Variants in PLS1 observed in about 807,000 individuals in gnomAD.
PLS1 encodes plastin-1.
Under a neutral mutation model 73.7 loss-of-function variants are expected in PLS1, and 32 were observed. That is an observed-to-expected ratio of 0.43 (90% confidence interval 0.33 to 0.58). The LOEUF (loss-of-function observed/expected upper bound fraction) is 0.58, where lower values mean the gene tolerates loss of function less well. Ranked by LOEUF, PLS1 falls within the 20% of genes least tolerant of loss-of-function variation. The pLI, the probability that PLS1 is intolerant of heterozygous loss-of-function variation, is 0.04. For missense variants in PLS1, 633 were observed against 740.5 expected (o/e 0.85, Z 1.68); for synonymous variants, 217 against 261.3 (o/e 0.83, Z 1.63).
chr3:142,642,655 A>G (rs1339002693), intron 1 of PLS1, among the ~76,000 whole-genome samples: 1 of 152,102 alleles, frequency 6.6e-6, no homozygotes. Context: ...AGTATGGTTA[A>G]TTTTCTGAGC....
chr3:142,671,666 A>T (rs1465477100), intron 4 of PLS1, among the ~76,000 whole-genome samples: 1 of 152,216 alleles, frequency 6.6e-6, no homozygotes, highest in South Asian at 2.1e-4. Context: ...TGGGAAATGC[A>T]GAAGCATATC....
intron 1 of PLS1, among the ~76,000 whole-genome samples, chr3:142,647,925 G>T (rs926019257): frequency 6.6e-6 from 1 of 152,176 alleles, no homozygotes; most frequent in African/African-American, 2.4e-5. Context: ...GTTGAAAAGG[G>T]ATCCTGAACC....
chr3:142,598,866 T>A (rs2035859838), intron 1 of PLS1, among the ~76,000 whole-genome samples: 1 of 151,564 alleles, frequency 6.6e-6, no homozygotes, highest in African/African-American at 2.4e-5. Flanking sequence ...GGGGGCATGG[T>A]GGTGGGCGCC....
At chr3:142,670,517 C>T (rs192233390) in intron 3 of PLS1, among the ~76,000 whole-genome samples, 2 of 152,310 alleles carry the variant, frequency 1.3e-5, no homozygotes, top group East Asian at 1.9e-4. Context: ...GCAAGCAGAA[C>T]TGATTGAATT....
intron 1 of PLS1, among the ~76,000 whole-genome samples, chr3:142,609,415 G>A (rs1319448171): frequency 6.8e-6 from 1 of 146,712 alleles, no homozygotes; most frequent in East Asian, 1.9e-4. Context: ...ACCAGAGGAA[G>A]GGGAACTGGA....
chr3:142,612,162 G>A lies in PLS1; in HGVS notation c.-37+15653G>A, dbSNP rs569321293. The stretch of plus-strand genomic sequence containing the variant: ...ATTGAAAGAGGAATTTAGCAAATAA[G>A]TGCTTTAATAGTTCTCACTGGTTTA... On this transcript the variant is annotated intron_variant, in intron 1 of 15. Transcript: ENST00000457734. Among the ~76,000 whole-genome samples, 4 of 152,312 alleles carry A rather than the reference G, an allele frequency of 2.6e-5. No individual in the cohort carries two copies. In the South Asian group the frequency reaches 8.3e-4, roughly 32 times the overall value.
intron 1 of PLS1, among the ~76,000 whole-genome samples, chr3:142,603,607 C>T (rs2035964012): frequency 6.6e-6 from 1 of 151,902 alleles, no homozygotes; most frequent in African/African-American, 2.4e-5. Flanking sequence ...GGCAAAACAT[C>T]GTCTCTACAA....
intron 9 of PLS1, among the ~76,000 whole-genome samples, chr3:142,687,327 C>T (rs748672689): frequency 1.3e-5 from 2 of 151,924 alleles, no homozygotes; most frequent in South Asian, 2.1e-4. Flanking sequence ...ACCCACCGGC[C>T]GTGGGTTGGA....
intron 14 of PLS1, among the ~76,000 whole-genome samples, chr3:142,711,196 C>T (rs936069101): frequency 1.3e-5 from 2 of 152,054 alleles, no homozygotes; most frequent in Admixed American, 6.6e-5. Context: ...ATTAAAAATT[C>T]ATCTATTCCC....
rs1408034343 is a variant in PLS1, at chr3:142,712,640, C to T, written c.*633C>T. 1.3e-5 allele frequency: 2 copies of T among 152,326 alleles called. No homozygotes were observed. Among genetic ancestry groups the T allele is most frequent in the Non-Finnish European group, 2.9e-5 (2 of 67,988 alleles). 9.4% of individuals were successfully genotyped at this position (152,326 alleles called of 1,614,324 possible). A position where few individuals can be genotyped will look rare whatever the true frequency, so the allele number is the denominator to read the frequency against. ...AAATTTAATTTTAACTACATTGATA[C>T]TTTACACATCCTAGTTTGGTAACAC... On this transcript the variant is annotated 3_prime_UTR_variant, in exon 16 of 16. Transcript: ENST00000457734.
intron 1 of PLS1, among the ~76,000 whole-genome samples, chr3:142,611,161 T>C (rs913229638): frequency 2.0e-5 from 3 of 152,232 alleles, no homozygotes; most frequent in African/African-American, 7.2e-5. Context: ...ATTCTTTTGA[T>C]TTTTCTCTTA....
chr3:142,630,974 T>C (rs965002763), intron 1 of PLS1, among the ~76,000 whole-genome samples: 140 of 61,104 alleles, frequency 2.3e-3, no homozygotes, highest in African/African-American at 3.8e-3. Context: ...CACACACACA[T>C]AGAGGGAGAG....
intron 1 of PLS1, among the ~76,000 whole-genome samples, chr3:142,617,822 AC>A (rs2036242077): frequency 6.6e-6 from 1 of 152,174 alleles, no homozygotes; most frequent in African/African-American, 2.4e-5. Context: ...TACTAAAAAT[AC>A]AAAAATTAGC....
At chr3:142,695,789 T>C (rs1244880974) in intron 11 of PLS1, among the ~76,000 whole-genome samples, 1 of 143,234 alleles carries the variant, frequency 7.0e-6, no homozygotes, top group South Asian at 2.1e-4. Flanking sequence ...TATTTATTTA[T>C]TTATTTATTT....
intron 1 of PLS1, among the ~76,000 whole-genome samples, chr3:142,636,260 G>A (rs1469032427): frequency 6.6e-6 from 1 of 152,088 alleles, no homozygotes; most frequent in Non-Finnish European, 1.5e-5. Flanking sequence ...ACATGTGAAT[G>A]GAATAGAATA....
At chr3:142,599,454 C>T (rs961631499) in intron 1 of PLS1, among the ~76,000 whole-genome samples, 2 of 151,308 alleles carry the variant, frequency 1.3e-5, no homozygotes, top group African/African-American at 2.4e-5. Flanking sequence ...CTCAGCCTCC[C>T]GAGTAGCTGG....
At chr3:142,692,045 G>A (rs1364525204) in intron 10 of PLS1, among the ~76,000 whole-genome samples, 1 of 151,968 alleles carries the variant, frequency 6.6e-6, no homozygotes, top group Non-Finnish European at 1.5e-5. Flanking sequence ...TATAAAACAA[G>A]ACTAATAAAC....
chr3:142,664,795 TG>T, intron 2 of PLS1, among the ~76,000 whole-genome samples: 1 of 152,286 alleles, frequency 6.6e-6, no homozygotes, highest in Middle Eastern at 3.4e-3. Flanking sequence ...AAAGGCCGTA[TG>T]CCTTATTTTT....
At chr3:142,686,475 G>C (rs1229812597) in intron 9 of PLS1, 99 bp downstream of exon 9, 5 of 754,932 alleles carry the variant, frequency 6.6e-6, no homozygotes, top group Non-Finnish European at 1.2e-5. Context: ...GTGGCATTCA[G>C]TACATTTGCA....
Sources: gnomAD v4.1 joint callset for allele counts (sites outside exome capture counted in the v4.1 genomes callset) on GRCh38, gnomAD v4.1.1 for gene constraint, MANE v1.5 for transcripts, NCBI Gene and HGNC (gene_info 2026-07-23, HGNC 2026-07-21) for gene names.